The following PNPLA7 variants were observed in gnomAD, a reference collection of about 807,000 sequenced individuals.
The protein encoded by PNPLA7 is patatin like domain 7, lysophospholipase, also known as patatin-like phospholipase domain-containing protein 7.
A neutral mutation model predicts 161.7 loss-of-function variants in PNPLA7; 153 were observed. That is an observed-to-expected ratio of 0.95 (90% CI 0.83 to 1.08). The LOEUF (loss-of-function observed/expected upper bound fraction) is 1.08, where lower values mean the gene tolerates loss of function less well. PNPLA7 is among the 50% of genes least tolerant of loss of function. PNPLA7 has a pLI of 0.00. For missense variants in PNPLA7, 1,739 were observed against 1,856.6 expected, an observed-to-expected ratio of 0.94 and a Z score of 1.16; for synonymous variants, 809 against 782.1, an observed-to-expected ratio of 1.03 and a Z score of -0.57.
intron 6 of PNPLA7, 94 bp from the exon 7 acceptor site, chr9:137,542,895 G>T: frequency 7.2e-7 from 1 of 1,384,106 alleles, no homozygotes. Flanking sequence ...TGACCCCACT[G>T]GCGCCAGGCT....
At chr9:137,521,854 C>T (rs976366560) in intron 9 of PNPLA7, 138 bp from the exon 10 acceptor site, 1 of 617,652 alleles carries the variant, frequency 1.6e-6, no homozygotes, top group Admixed American at 3.6e-5. Flanking sequence ...GGGTGAAAAA[C>T]CCCGCAGACT....
chr9:137,538,467 G>A (rs1836011033), intron 8 of PNPLA7, among the ~76,000 whole-genome samples: 1 of 152,326 alleles, frequency 6.6e-6, no homozygotes, highest in African/African-American at 2.4e-5. Flanking sequence ...GCTCCAGTGC[G>A]AGGTTTCATG....
Position 137,461,897 on chromosome 9 carries a change from G to A in PNPLA7, c.3756+34C>T, listed in dbSNP as rs750219360. 7 of 1,513,028 alleles carry A rather than the reference G, an allele frequency of 4.6e-6. No homozygotes were observed. The South Asian group carries it at 8.7e-5, about 19-fold the overall frequency. The allele number at this position is 1,513,028 out of a possible 1,614,324, so 93.7% of individuals were successfully genotyped here. A position where few individuals can be genotyped will look rare whatever the true frequency, so the allele number is the denominator to read the frequency against. The stretch of plus-strand genomic sequence containing the variant: ...GGCCCGAAGAACTGGGCGCGGTCCG[G>A]GGAGCTGGGCGTGGTCCGGACGCCC... On this transcript the variant is annotated intron_variant, in intron 32 of 34. Transcript: ENST00000406427.
intron 4 of PNPLA7, among the ~76,000 whole-genome samples, chr9:137,546,574 G>C (rs1338204335): frequency 3.9e-5 from 6 of 152,192 alleles, no homozygotes; most frequent in Non-Finnish European, 1.5e-5. Flanking sequence ...AGGCCAGGGG[G>C]AGTAGAGGCC....
chr9:137,473,258 T>A lies in PNPLA7; in HGVS notation c.2882+4776A>T, dbSNP rs996937637. ...TGGGTGGGGACATGGCCAAACCATA[T>A]CATTCAGAGCAACCAGACACCACAT... On this transcript the variant is annotated intron_variant, in intron 25 of 34. Coordinates refer to ENST00000406427, the MANE Select transcript of PNPLA7 (RefSeq NM_001098537.3). Among the ~76,000 whole-genome samples, 5 of 152,124 alleles carry A rather than the reference T, an allele frequency of 3.3e-5. No individual in the cohort carries two copies. The South Asian group carries it at 1.0e-3, about 32-fold the overall frequency.
chr9:137,477,275 C>T (rs73567239), intron 25 of PNPLA7, among the ~76,000 whole-genome samples: 7,935 of 152,210 alleles, frequency 0.052, 671 homozygotes, highest in African/African-American at 0.18. Flanking sequence ...TGGTGTCTGA[C>T]GACAAGGCAG....
Position 137,543,877 on chromosome 9 carries a change from C to A in PNPLA7, c.274-62G>T. The A allele has an allele frequency of 1.4e-6, 2 of 1,419,400 alleles. No individual in the cohort carries two copies. Among genetic ancestry groups the A allele is most frequent in the Non-Finnish European group, 1.0e-6 (1 of 1,004,586 alleles). 87.9% of individuals were successfully genotyped at this position (1,419,400 alleles called of 1,614,324 possible). On this transcript the variant is annotated intron_variant, in intron 4 of 34. Transcript: ENST00000406427. The surrounding 1 kb of genome is among the most constrained non-coding windows in gnomAD (Gnocchi z 6.9). ...CAAGCCGCAAGGTCCAAGCTCTTTG[C>A]CATGGGGATCAGTCCTCAGGACCTG... is the stretch of plus-strand genomic sequence containing the variant.
At chr9:137,483,406 C>A (rs1832321030) in intron 21 of PNPLA7, among the ~76,000 whole-genome samples, 1 of 152,322 alleles carries the variant, frequency 6.6e-6, no homozygotes, top group Non-Finnish European at 1.5e-5. Context: ...GGCCATCAGA[C>A]AAGGCAATCC....
At position 137,521,675 on chromosome 9, in the gene PNPLA7, CAG is replaced by C; in HGVS notation, c.916_917del (p.Leu306AlafsTer14). 6.2e-7 allele frequency: 1 copy of C among 1,612,150 alleles called. No individual in the cohort carries two copies. Among genetic ancestry groups the C allele is most frequent in the Non-Finnish European group, 8.5e-7 (1 of 1,179,788 alleles). On this transcript the variant is annotated frameshift_variant, in exon 10 of 35. Transcript: ENST00000406427. LOFTEE classifies it high-confidence loss of function. ...CTGTGGTCAGGCCGAGGTAGTTGTG[CAG>C]AGCCAGAAAGGTCACCCTCTGCAGC... The part of the protein sequence containing the change: ...VRLQRVTFLA[L>X]HNYLGLTTEL...
At chr9:137,539,639 C>T (rs532683286) in intron 8 of PNPLA7, among the ~76,000 whole-genome samples, 4 of 151,936 alleles carry the variant, frequency 2.6e-5, no homozygotes, top group South Asian at 4.2e-4. Context: ...ACTGCCTGGG[C>T]GACAGAGCAA....
At chr9:137,475,560 G>A (rs952562332) in intron 25 of PNPLA7, among the ~76,000 whole-genome samples, 1 of 152,062 alleles carries the variant, frequency 6.6e-6, no homozygotes, top group Admixed American at 6.6e-5. Context: ...ATTTTTAGTA[G>A]AGATGGGGTT....
In PNPLA7 at chr9:137,540,576, A is replaced by T; in HGVS notation, c.747+66T>A. ...AACCACTACCAGCTGTCCAGACAAG[A>T]CAGAAAAACCAGGCCTCCGGGGCCA... is the stretch of plus-strand genomic sequence containing the variant. On this transcript the variant is annotated intron_variant, in intron 8 of 34. Transcript: ENST00000406427. This position sits in a 1 kb window ranked among gnomAD's most constrained non-coding sequence, Gnocchi z 5.1. 7.2e-7 allele frequency: 1 copy of T among 1,392,790 alleles called. No individual in the cohort carries two copies. 86.3% of individuals were successfully genotyped at this position (1,392,790 alleles called of 1,614,324 possible). A position where few individuals can be genotyped will look rare whatever the true frequency, so the allele number is the denominator to read the frequency against.
At chr9:137,522,990 T>C in intron 8 of PNPLA7, 133 bp from the exon 9 acceptor site, 2 of 1,318,684 alleles carry the variant, frequency 1.5e-6, no homozygotes, top group Non-Finnish European at 2.1e-6. Flanking sequence ...CCTCCCAGGC[T>C]GGGCTGTGCA....
intron 24 of PNPLA7, chr9:137,478,825 G>A (rs1288454431): frequency 2.9e-5 from 16 of 542,846 alleles, no homozygotes; most frequent in Non-Finnish European, 4.2e-5. Flanking sequence ...CCCCCAGCCC[G>A]ATGGCCGCCC....
In PNPLA7 at chr9:137,515,545, C is replaced by T. The variant is rs200451754; in HGVS notation, c.1085-26G>A. On this transcript the variant is annotated intron_variant, in intron 11 of 34. Coordinates refer to ENST00000406427, the MANE Select transcript of PNPLA7 (RefSeq NM_001098537.3). ...CTGCTGGGGAGGCAGCCGTAAGCAA[C>T]CTTGTTTGCACGCACTCCCTGGTGT... The T allele has an allele frequency of 6.4e-3, 9,653 of 1,514,728 alleles. 38 individuals carry two copies. Among genetic ancestry groups the T allele is most frequent in the Non-Finnish European group, 7.7e-3 (8,734 of 1,134,232 alleles). The allele number at this position is 1,514,728 out of a possible 1,614,324, so 93.8% of individuals were successfully genotyped here.
chr9:137,550,075 C>A (rs1400996418), intron 1 of PNPLA7, 93 bp downstream of exon 1: 1 of 1,499,710 alleles, frequency 6.7e-7, no homozygotes, highest in African/African-American at 1.4e-5. Context: ...GGCCAAAGAG[C>A]GCGGCAGAGC....
chr9:137,522,045 T>A (rs976190849), intron 9 of PNPLA7, among the ~76,000 whole-genome samples: 1 of 152,212 alleles, frequency 6.6e-6, no homozygotes, highest in African/African-American at 2.4e-5. Context: ...CTCTTTGAGA[T>A]TGTGAACATT....
At chr9:137,491,564 G>A (rs1193635492) in intron 20 of PNPLA7, 1 of 985,408 alleles carries the variant, frequency 1.0e-6, no homozygotes, top group Non-Finnish European at 1.2e-6. Flanking sequence ...GGAGAGTGAA[G>A]AGTTACATTA....
rs985246888 is a variant in PNPLA7, at chr9:137,461,891, G to A, written c.3756+40C>T. The A allele has an allele frequency of 3.4e-6, 5 of 1,459,104 alleles. No individual in the cohort carries two copies. The African/African-American group carries it at 7.0e-5, about 20-fold the overall frequency. 90.4% of individuals were successfully genotyped at this position (1,459,104 alleles called of 1,614,324 possible). Reference sequence around the variant, plus strand: ...GGGCGTGGCCCGAAGAACTGGGCGCGGTCCGGGGAGCTGGGCGTGGTCCGG... The same window carrying A: ...GGGCGTGGCCCGAAGAACTGGGCGCAGTCCGGGGAGCTGGGCGTGGTCCGG... On this transcript the variant is annotated intron_variant, in intron 32 of 34. Coordinates refer to ENST00000406427, the MANE Select transcript of PNPLA7 (RefSeq NM_001098537.3).
Sources: gnomAD v4.1 joint callset for allele counts (sites outside exome capture counted in the v4.1 genomes callset) on GRCh38, gnomAD v4.1.1 for gene constraint, Gnocchi (gnomAD v3.1) non-coding constraint, MANE v1.5 for transcripts, NCBI Gene and HGNC (gene_info 2026-07-23, HGNC 2026-07-21) for gene names.